Variants in SLIT2 observed in about 807,000 individuals in gnomAD.
The protein encoded by SLIT2 is slit homolog 2 protein.
SLIT2 carries 41 observed loss-of-function variants against 185.7 expected under a neutral mutation model. The observed-to-expected ratio is 0.22, with a 90% confidence interval of 0.17 to 0.29. SLIT2 has a LOEUF of 0.29. Ranked by LOEUF, SLIT2 falls within the 10% of genes least tolerant of loss-of-function variation. The pLI, the probability that SLIT2 is intolerant of heterozygous loss-of-function variation, is 1.00. For synonymous variants in SLIT2, 693 were observed against 680.2 expected, an observed-to-expected ratio of 1.02 and a Z score of -0.29; for missense variants, 1,571 against 1,909.0, an observed-to-expected ratio of 0.82 and a Z score of 3.30.
chr4:20,442,644 G>T (rs1160177132), intron 4 of SLIT2, among the ~76,000 whole-genome samples: 2 of 152,190 alleles, frequency 1.3e-5, no homozygotes, highest in East Asian at 3.9e-4. Context: ...AGCAGCATAG[G>T]AATGTCGTGA....
intron 29 of SLIT2, among the ~76,000 whole-genome samples, chr4:20,589,122 A>G (rs2148947503): frequency 6.6e-6 from 1 of 152,300 alleles, no homozygotes; most frequent in East Asian, 1.9e-4. Context: ...ATTTATGTCA[A>G]GCTCAAAAAC....
intron 26 of SLIT2, 134 bp downstream of exon 26, chr4:20,554,102 A>C (rs1724028939): frequency 2.7e-6 from 2 of 751,588 alleles, no homozygotes; most frequent in Admixed American, 5.8e-5. Flanking sequence ...CCATGCTTGG[A>C]CAAGACAGAG....
rs1447484957 is a variant in SLIT2, at chr4:20,524,131, A to G, written c.1392A>G (p.Ala464=). Residue 464 remains alanine (A), a synonymous_variant, in exon 14 of 37, where the codon GCA becomes GCG. Coordinates refer to ENST00000504154, the MANE Select transcript of SLIT2 (RefSeq NM_004787.4). ...GARCTSPRRL[A]NKRIGQIKSK... ...GTTGCACCAGCCCCCGCCGCCTGGC[A>G]AACAAAAGAATTGGACAGATCAAAA... 1.2e-6 allele frequency: 2 copies of G among 1,614,176 alleles called. No individual in the cohort carries two copies. The highest frequency in any genetic ancestry group is 2.2e-5 in the East Asian group (1 of 44,880).
intron 4 of SLIT2, among the ~76,000 whole-genome samples, chr4:20,449,910 A>T (rs1273027609): frequency 6.6e-6 from 1 of 152,172 alleles, no homozygotes; most frequent in Non-Finnish European, 1.5e-5. Context: ...AAGGAAAATT[A>T]AAATACAGTG....
At chr4:20,423,601 G>T (rs1275305728) in intron 4 of SLIT2, among the ~76,000 whole-genome samples, 1 of 151,994 alleles carries the variant, frequency 6.6e-6, no homozygotes, top group African/African-American at 2.4e-5. Context: ...GACCACAAGA[G>T]GTCTGCCTTT....
intron 29 of SLIT2, among the ~76,000 whole-genome samples, chr4:20,570,697 A>G (rs919788861): frequency 9.9e-5 from 14 of 141,632 alleles, no homozygotes; most frequent in Admixed American, 4.5e-4. Context: ...TGCCTAACCA[A>G]TGCACAGAAC....
chr4:20,554,911 A>G (rs1724111812), intron 26 of SLIT2, among the ~76,000 whole-genome samples: 1 of 152,134 alleles, frequency 6.6e-6, no homozygotes, highest in Admixed American at 6.5e-5. Context: ...CTGGGATTAC[A>G]GGCATGTGCC....
chr4:20,392,824 T>A (rs914472656), intron 4 of SLIT2, among the ~76,000 whole-genome samples: 3 of 152,086 alleles, frequency 2.0e-5, no homozygotes, highest in Non-Finnish European at 4.4e-5. Flanking sequence ...TCAGAAGCGA[T>A]AACACACAAA....
intron 4 of SLIT2, among the ~76,000 whole-genome samples, chr4:20,464,970 T>C (rs1374455553): frequency 1.3e-5 from 2 of 152,204 alleles, no homozygotes; most frequent in Non-Finnish European, 2.9e-5. Flanking sequence ...AGAGTAGATA[T>C]TAAATAACAG....
chr4:20,398,982 A>C (rs182433926), intron 4 of SLIT2, among the ~76,000 whole-genome samples: 110 of 151,816 alleles, frequency 7.2e-4, no homozygotes, highest in African/African-American at 2.6e-3. Flanking sequence ...TTGAATTCAA[A>C]ATACAGAACA....
At chr4:20,372,502 A>G (rs1723674886) in intron 4 of SLIT2, among the ~76,000 whole-genome samples, 1 of 152,066 alleles carries the variant, frequency 6.6e-6, no homozygotes, top group Non-Finnish European at 1.5e-5. Context: ...TTAATTTTCT[A>G]ATTTCCAAAA....
intron 4 of SLIT2, among the ~76,000 whole-genome samples, chr4:20,457,685 T>C (rs1052689432): frequency 6.6e-6 from 1 of 152,170 alleles, no homozygotes; most frequent in African/African-American, 2.4e-5. Context: ...CTATCTACTT[T>C]TCCTTTCTGG....
chr4:20,472,342 A>ATATC lies in SLIT2; in HGVS notation c.467+4522_467+4523insCTAT, dbSNP rs1715291252. On this transcript the variant is annotated intron_variant, in intron 5 of 36. Transcript: ENST00000504154. ...TATATATATCTATATATAGATCTATATATAGATATAGATATCTATATAGAT... is the reference window on the plus strand; with the variant it reads ...TATATATATCTATATATAGATCTATATATCTATAGATATAGATATCTATATAGAT... 4.3e-5 allele frequency among the ~76,000 whole-genome samples: 3 copies of ATATC among 69,262 alleles called. 1 individual carries two copies. In the Admixed American group the frequency reaches 4.9e-4, roughly 11 times the overall value. 45.4% of individuals were successfully genotyped at this position (69,262 alleles called of 152,430 possible).
intron 4 of SLIT2, among the ~76,000 whole-genome samples, chr4:20,362,643 G>A (rs1722831114): frequency 6.6e-6 from 1 of 151,518 alleles, no homozygotes; most frequent in South Asian, 2.1e-4. Flanking sequence ...AAAATAACGT[G>A]TATCTTCTTT....
At chr4:20,583,994 C>T (rs1462249868) in intron 29 of SLIT2, among the ~76,000 whole-genome samples, 2 of 152,038 alleles carry the variant, frequency 1.3e-5, no homozygotes, top group Non-Finnish European at 1.5e-5. Context: ...GGGCTCTGAA[C>T]ATATGCTGGC....
chr4:20,368,285 C>T (rs1046144933), intron 4 of SLIT2, among the ~76,000 whole-genome samples: 5 of 142,476 alleles, frequency 3.5e-5, no homozygotes, highest in African/African-American at 7.7e-5. Context: ...GAATTTCTAA[C>T]ACAGTCATCT....
At chr4:20,294,072 G>A (rs1030417433) in intron 4 of SLIT2, among the ~76,000 whole-genome samples, 1 of 152,028 alleles carries the variant, frequency 6.6e-6, no homozygotes, top group African/African-American at 2.4e-5. Context: ...TATTGTCTGG[G>A]TGTGGTGGCT....
chr4:20,554,323 G>A, intron 26 of SLIT2: 1 of 463,404 alleles, frequency 2.2e-6, no homozygotes, highest in Non-Finnish European at 4.3e-6. Context: ...CCAGGGCCCT[G>A]TGGCTTCCTC....
chr4:20,384,620 GCTAAAT>G (rs1298504927), intron 4 of SLIT2, among the ~76,000 whole-genome samples: 3 of 152,092 alleles, frequency 2.0e-5, no homozygotes, highest in Non-Finnish European at 1.5e-5. Flanking sequence ...GTTGTGGGCT[GCTAAAT>G]GGATTAAAGC....
Sources: gnomAD v4.1 joint callset for allele counts (sites outside exome capture counted in the v4.1 genomes callset) on GRCh38, gnomAD v4.1.1 for gene constraint, MANE v1.5 for transcripts, NCBI Gene and HGNC (gene_info 2026-07-23, HGNC 2026-07-21) for gene names.